Variants in MYO15B observed in about 807,000 individuals in gnomAD.
MYO15B encodes the protein myosin XVB pseudogene.
In MYO15B, 207 loss-of-function variants were observed where a neutral mutation model predicts 119.3. That is an observed-to-expected ratio of 1.73 (90% CI 1.55 to 1.95). MYO15B has a LOEUF of 1.95. MYO15B is among the 30% of genes most tolerant of loss of function. The pLI, the probability that MYO15B is intolerant of heterozygous loss-of-function variation, is 0.00. For missense variants in MYO15B, 2,264 were observed against 1,203.1 expected, an observed-to-expected ratio of 1.88 and a Z score of -13.04; for synonymous variants, 966 against 498.9, an observed-to-expected ratio of 1.94 and a Z score of -12.48.
At chr17:75,591,527 T>A in intron 4 of MYO15B, 74 bp from the exon 5 acceptor site, 1 of 697,538 alleles carries the variant, frequency 1.4e-6, no homozygotes. Flanking sequence ...GGGTGGCACA[T>A]CCCACTTCCT....
chr17:75,619,670 C>A lies in MYO15B; in HGVS notation c.7183-11C>A, dbSNP rs540064855. The A allele has an allele frequency of 5.7e-6, 4 of 702,860 alleles. No individual in the cohort carries two copies. The South Asian group carries it at 5.9e-5, about 10-fold the overall frequency. The allele number at this position is 702,860 out of a possible 1,614,324, so 43.5% of individuals were successfully genotyped here. On this transcript the variant is annotated splice_polypyrimidine_tract_variant and intron_variant, in intron 45 of 63. Transcript: ENST00000645453. Reference sequence around the variant, plus strand: ...CCAGGAGACTGCCCGAGACCCACCACCTTCCTGTAGGGCGAGAGTGGCAGC... The same window carrying A: ...CCAGGAGACTGCCCGAGACCCACCAACTTCCTGTAGGGCGAGAGTGGCAGC...
intron 9 of MYO15B, among the ~76,000 whole-genome samples, chr17:75,594,192 C>G (rs998385097): frequency 1.3e-5 from 2 of 151,082 alleles, no homozygotes; most frequent in African/African-American, 2.5e-5. Context: ...GTTTGCAAGA[C>G]AACCCCCTAG....
rs1242058195 is a variant in MYO15B, at chr17:75,591,154, C to A, written c.2361-18C>A. 1 of 702,876 alleles carries A rather than the reference C, an allele frequency of 1.4e-6. No homozygotes were observed. Among genetic ancestry groups the A allele is most frequent in the Admixed American group, 2.0e-5 (1 of 50,006 alleles). 43.5% of individuals were successfully genotyped at this position (702,876 alleles called of 1,614,324 possible). A position where few individuals can be genotyped will look rare whatever the true frequency, so the allele number is the denominator to read the frequency against. On this transcript the variant is annotated intron_variant, in intron 3 of 63. Transcript: ENST00000645453. The stretch of plus-strand genomic sequence containing the variant: ...GGTCCCAGGTCCCCATGTCTGGCAA[C>A]CTTCTCATCTCCCTCAGACACATCT...
In MYO15B at chr17:75,611,779, G is replaced by C. The variant is rs2058046159; in HGVS notation, c.4505-107G>C. On this transcript the variant is annotated intron_variant, in intron 24 of 63. Transcript: ENST00000645453. ...AGACTCCCCTGAGCTCATCACTTGG[G>C]TCCCTGTGGACAGGGGCTGATGGCT... 5.8e-6 allele frequency: 4 copies of C among 692,890 alleles called. No homozygotes were observed. The East Asian group carries it at 1.1e-4, about 19-fold the overall frequency. 42.9% of individuals were successfully genotyped at this position (692,890 alleles called of 1,614,324 possible).
chr17:75,590,940 C>T (rs934419674), exon 3 of MYO15B: 13 of 538,422 alleles, frequency 2.4e-5, no homozygotes, highest in Non-Finnish European at 4.4e-5. Flanking sequence ...TGTTCTGAAC[C>T]CCCACCGGTC....
intron 20 of MYO15B, 66 bp downstream of exon 20, chr17:75,605,687 C>A: frequency 1.5e-6 from 1 of 688,522 alleles, no homozygotes. Context: ...CATTCTGGGC[C>A]CAAAGGGACA....
rs1162658403 is a variant in MYO15B, at chr17:75,619,974, G to C, written c.7397G>C (p.Arg2466Thr). The change falls in exon 47 of 64, where the codon AGG (arginine) becomes ACG (threonine). Residue 2466 changes from arginine (R) to threonine (T), a missense_variant. Arg to Thr is a moderately conservative substitution (Grantham distance 71, BLOSUM62 -1). Transcript: ENST00000645453. ...CTGGTGCTGCACACAGCCCGGGCAA[G>C]GGCCATCGAGGCGCTGGTTGAGCTA... The C allele has an allele frequency of 5.7e-6, 4 of 702,704 alleles. No individual in the cohort carries two copies. The South Asian group carries it at 5.9e-5, about 10-fold the overall frequency. 43.5% of individuals were successfully genotyped at this position (702,704 alleles called of 1,614,324 possible).
exon 39 of MYO15B, chr17:75,616,527 C>G: frequency 1.4e-6 from 1 of 702,186 alleles, no homozygotes; most frequent in Non-Finnish European, 2.6e-6. Context: ...TGGTCAGTGC[C>G]GTCCCCTCCT....
chr17:75,598,546 AG>A lies in MYO15B; in HGVS notation c.3525+1648del, dbSNP rs1423444397. 7.7e-3 allele frequency among the ~76,000 whole-genome samples: 1,159 copies of A among 150,650 alleles called. 16 individuals carry two copies. The highest frequency in any genetic ancestry group is 1.0e-2 in the African/African-American group (410 of 41,070). The stretch of plus-strand genomic sequence containing the variant: ...CCATCTCAAAAAAAAAAAAAAAAAA[AG>A]AAAATGAAAGGTGAAAAACAATGGT... On this transcript the variant is annotated intron_variant, in intron 14 of 63. Coordinates refer to ENST00000645453, the Ensembl canonical transcript of MYO15B.
Position 75,611,592 on chromosome 17 carries a change from C to G in MYO15B, c.4447-9C>G. ...TGTGGATCCTGGGTAAATGAGTCCC[C>G]TCTGCCAGGAGCTGGGGCGCTTGGA... On this transcript the variant is annotated splice_polypyrimidine_tract_variant and intron_variant, in intron 23 of 63. Transcript: ENST00000645453. The G allele has an allele frequency of 1.4e-6, 1 of 702,706 alleles. No homozygotes were observed. Among genetic ancestry groups the G allele is most frequent in the South Asian group, 1.5e-5 (1 of 67,588 alleles). The allele number at this position is 702,706 out of a possible 1,614,324, so 43.5% of individuals were successfully genotyped here.
chr17:75,598,252 G>A (rs1211702530), intron 14 of MYO15B, among the ~76,000 whole-genome samples: 1 of 137,430 alleles, frequency 7.3e-6, no homozygotes, highest in African/African-American at 2.7e-5. Context: ...TGGGGACAGA[G>A]CAAGACTCCG....
chr17:75,619,691 GCAGCGACGT>G (rs2058587193), exon 46 of MYO15B: 1 of 702,856 alleles, frequency 1.4e-6, no homozygotes, highest in East Asian at 2.7e-5. Context: ...GGCGAGAGTG[GCAGCGACGT>G]GCAGCTGTTA....
At chr17:75,606,614 C>T (rs1261248529) in intron 21 of MYO15B, among the ~76,000 whole-genome samples, 1 of 151,334 alleles carries the variant, frequency 6.6e-6, no homozygotes, top group Admixed American at 6.6e-5. Context: ...GCTGGGATTA[C>T]AGGCATATGC....
chr17:75,610,428 C>T (rs1163253107), intron 22 of MYO15B, among the ~76,000 whole-genome samples, 169 bp downstream of exon 22: 3 of 152,188 alleles, frequency 2.0e-5, no homozygotes, highest in South Asian at 2.1e-4. Flanking sequence ...CGGGGTAGGC[C>T]GGGGCCCTTG....
exon 14 of MYO15B, chr17:75,596,791 G>C: frequency 1.4e-6 from 1 of 701,504 alleles, no homozygotes; most frequent in Non-Finnish European, 2.6e-6. Flanking sequence ...GGGAGTTGCT[G>C]TCCTGGGTGC....
intron 21 of MYO15B, 26 bp from the exon 22 acceptor site, chr17:75,610,140 C>A (rs776525850): frequency 4.4e-6 from 3 of 687,024 alleles, no homozygotes; most frequent in Non-Finnish European, 8.0e-6. Context: ...CTCTTCATTT[C>A]GCCCCCGCTC....
At chr17:75,620,867 T>C (rs973111913) in intron 49 of MYO15B, 164 bp from the exon 50 acceptor site, 2 of 701,762 alleles carry the variant, frequency 2.8e-6, no homozygotes, top group Admixed American at 2.0e-5. Context: ...CACGTGGTAC[T>C]TAGTTCAAGG....
At chr17:75,592,516 C>T (rs879585481) in exon 8 of MYO15B, 13 of 606,000 alleles carry the variant, frequency 2.1e-5, no homozygotes, top group South Asian at 1.5e-4. Context: ...CTGCAGGGAC[C>T]GGAGACTTAC....
At chr17:75,607,122 A>T in intron 21 of MYO15B, 1 of 394,246 alleles carries the variant, frequency 2.5e-6, no homozygotes, top group Non-Finnish European at 4.5e-6. Context: ...GAATGAAGTG[A>T]AGACAGTGCA....
Sources: gnomAD v4.1 joint callset for allele counts (sites outside exome capture counted in the v4.1 genomes callset) on GRCh38, gnomAD v4.1.1 for gene constraint, MANE v1.5 for transcripts, NCBI Gene and HGNC (gene_info 2026-07-23, HGNC 2026-07-21) for gene names.